DCDC2C: variants seen among roughly 807,000 people sequenced by gnomAD.
The protein encoded by DCDC2C is doublecortin domain containing 2C, also known as doublecortin domain-containing protein 2C.
In DCDC2C, 44 loss-of-function variants were observed where a neutral mutation model predicts 45.0. The observed-to-expected ratio is 0.98, with a 90% confidence interval of 0.77 to 1.26. The LOEUF is 1.26. Among genes scored for constraint, DCDC2C ranks in the 50% most tolerant of loss-of-function variants. DCDC2C has a pLI of 0.00. For missense variants in DCDC2C, 447 were observed against 468.9 expected (o/e 0.95, Z 0.43); for synonymous variants, 187 against 178.8 (o/e 1.05, Z -0.37).
intron 10 of DCDC2C, among the ~76,000 whole-genome samples, chr2:3,803,016 A>T (rs1671150252): frequency 6.6e-6 from 1 of 152,128 alleles, no homozygotes; most frequent in Non-Finnish European, 1.5e-5. Context: ...TCATGTATTG[A>T]CCTAAAATAG....
chr2:3,800,240 G>A (rs151309363), intron 10 of DCDC2C, among the ~76,000 whole-genome samples: 4,556 of 152,218 alleles, frequency 0.03, 98 homozygotes, highest in Admixed American at 0.05. Context: ...CACACGGTGC[G>A]CGCACCCACT....
Position 3,769,509 on chromosome 2 carries a change from C to T in DCDC2C, c.954+98C>T, listed in dbSNP as rs1021731994. ...CCTTCACCCTCTCCCTGCAAATTCT[C>T]TCTGGACTCTAGAATGTTCTGTGTT... On this transcript the variant is annotated intron_variant, in intron 8 of 10. Coordinates refer to ENST00000399143, the MANE Select transcript of DCDC2C (RefSeq NM_001287444.2). 8 of 1,058,974 alleles carry T rather than the reference C, an allele frequency of 7.6e-6. No individual in the cohort carries two copies. In the African/African-American group the frequency reaches 1.1e-4, roughly 15 times the overall value. The allele number at this position is 1,058,974 out of a possible 1,614,324, so 65.6% of individuals were successfully genotyped here.
chr2:3,717,430 C>T (rs1668377019), intron 2 of DCDC2C, among the ~76,000 whole-genome samples: 1 of 152,112 alleles, frequency 6.6e-6, no homozygotes, highest in African/African-American at 2.4e-5. Flanking sequence ...CTCAACCCTT[C>T]ACTCTCCCAG....
rs1459576643 is a variant in DCDC2C at position 3,751,784 on chromosome 2, C to T, written c.546-979C>T. Among the ~76,000 whole-genome samples the T allele has an allele frequency of 2.0e-5, 3 of 152,356 alleles. No homozygotes were observed. In the East Asian group the frequency reaches 5.8e-4, roughly 29 times the overall value. On this transcript the variant is annotated intron_variant, in intron 4 of 10. Transcript: ENST00000399143. The stretch of plus-strand genomic sequence containing the variant: ...AGCTCTGAGCCTCCTCCCACAGGGG[C>T]AATTCTTCCTCAGTCACATCCTGGC...
intron 9 of DCDC2C, among the ~76,000 whole-genome samples, chr2:3,781,520 A>G (rs1270385066): frequency 6.6e-6 from 1 of 152,206 alleles, no homozygotes; most frequent in Non-Finnish European, 1.5e-5. Context: ...GTAAAATGCT[A>G]ATTACCTTGC....
intron 1 of DCDC2C, among the ~76,000 whole-genome samples, chr2:3,707,471 C>G (rs1199753091): frequency 6.6e-6 from 1 of 152,184 alleles, no homozygotes; most frequent in Non-Finnish European, 1.5e-5. Context: ...AGTGGAGAGG[C>G]TCAGGCTGAA....
At chr2:3,712,092 C>A (rs543309641) in intron 2 of DCDC2C, among the ~76,000 whole-genome samples, 87 of 152,308 alleles carry the variant, frequency 5.7e-4, no homozygotes, top group African/African-American at 2.1e-3. Context: ...ATGGTGGAGC[C>A]AACCCTGAAT....
chr2:3,843,159 G>A (rs549048113), intron 10 of DCDC2C, among the ~76,000 whole-genome samples: 5 of 152,314 alleles, frequency 3.3e-5, no homozygotes, highest in Admixed American at 6.5e-5. Context: ...TGTGTGCATC[G>A]TATTCTCTCT....
chr2:3,703,870 C>A lies in DCDC2C; in HGVS notation c.119C>A (p.Ala40Glu). The A allele has an allele frequency of 2.3e-6, 3 of 1,294,038 alleles. No individual in the cohort carries two copies. The South Asian group carries it at 7.3e-5, about 31-fold the overall frequency. 80.2% of individuals were successfully genotyped at this position (1,294,038 alleles called of 1,614,324 possible). The change falls in exon 1 of 11, where the codon GCG (alanine) becomes GAG (glutamate). Residue 40 changes from alanine to glutamate, a missense_variant. Coordinates refer to ENST00000399143, the MANE Select transcript of DCDC2C (RefSeq NM_001287444.2). This position sits in a 1 kb window ranked among gnomAD's most constrained non-coding sequence, Gnocchi z 4.4. ...AAGTTCGTGCTGTCGCGGCGCCGCGCGGCCACCTTCGAGGCGCTGCTGGAG... is the reference window on the plus strand; with the variant it reads ...AAGTTCGTGCTGTCGCGGCGCCGCGAGGCCACCTTCGAGGCGCTGCTGGAG... ...GKKFVLSRRR[A>E]ATFEALLEQL...
At chr2:3,742,977 C>T (rs888054396) in intron 4 of DCDC2C, among the ~76,000 whole-genome samples, 2 of 152,300 alleles carry the variant, frequency 1.3e-5, no homozygotes, top group South Asian at 2.1e-4. Flanking sequence ...GGAGGGGCTC[C>T]GGGCCTGGTG....
intron 6 of DCDC2C, among the ~76,000 whole-genome samples, chr2:3,762,161 C>CTTTTTTT (rs1669896098): frequency 2.7e-5 from 1 of 36,522 alleles, no homozygotes; most frequent in Non-Finnish European, 6.9e-5. Context: ...CTTGCTTGAA[C>CTTTTTTT]CTTTTTTTTT....
chr2:3,837,265 A>C (rs1672105851), intron 10 of DCDC2C, among the ~76,000 whole-genome samples: 1 of 152,200 alleles, frequency 6.6e-6, no homozygotes, highest in African/African-American at 2.4e-5. Flanking sequence ...GAACTCAATC[A>C]ATCGAGTTGA....
chr2:3,737,680 G>C (rs908193879), intron 3 of DCDC2C, among the ~76,000 whole-genome samples: 1 of 152,022 alleles, frequency 6.6e-6, no homozygotes, highest in African/African-American at 2.4e-5. Flanking sequence ...TCTGTGTCAC[G>C]GGGGAGCAGG....
At chr2:3,846,077 C>G (rs1050505181) in intron 10 of DCDC2C, among the ~76,000 whole-genome samples, 11 of 152,092 alleles carry the variant, frequency 7.2e-5, no homozygotes, top group African/African-American at 2.7e-4. Context: ...AGGGACGGGA[C>G]TGGAACTCAT....
chr2:3,771,254 G>T (rs1363575107), intron 8 of DCDC2C, among the ~76,000 whole-genome samples: 2 of 152,218 alleles, frequency 1.3e-5, no homozygotes, highest in Non-Finnish European at 2.9e-5. Flanking sequence ...GGAGGACGTT[G>T]CCTCACCTTG....
intron 8 of DCDC2C, among the ~76,000 whole-genome samples, chr2:3,773,369 G>A (rs961096458): frequency 7.9e-5 from 12 of 151,786 alleles, no homozygotes; most frequent in Admixed American, 5.9e-4. Context: ...TATCCCCTTG[G>A]CATCCACCCC....
intron 3 of DCDC2C, among the ~76,000 whole-genome samples, chr2:3,738,540 G>GAAAAAAAA (rs60799536): frequency 1.4e-5 from 1 of 71,976 alleles, no homozygotes; most frequent in African/African-American, 5.5e-5. Flanking sequence ...GTCTATCTGG[G>GAAAAAAAA]AAAAAAAAAA....
intron 4 of DCDC2C, among the ~76,000 whole-genome samples, chr2:3,749,240 T>G (rs1669465433): frequency 6.6e-6 from 1 of 152,226 alleles, no homozygotes; most frequent in South Asian, 2.1e-4. Context: ...CAAATGGCCG[T>G]TGCATTTAGT....
intron 10 of DCDC2C, among the ~76,000 whole-genome samples, chr2:3,823,841 T>G (rs188967507): frequency 1.1e-4 from 16 of 152,366 alleles, no homozygotes; most frequent in Middle Eastern, 3.4e-3. Context: ...GTGTCTGCAG[T>G]TACTGCATGG....
Sources: gnomAD v4.1 joint callset for allele counts (sites outside exome capture counted in the v4.1 genomes callset) on GRCh38, gnomAD v4.1.1 for gene constraint, Gnocchi (gnomAD v3.1) non-coding constraint, MANE v1.5 for transcripts, NCBI Gene and HGNC (gene_info 2026-07-23, HGNC 2026-07-21) for gene names.